FAM174A: variants seen among roughly 807,000 people sequenced by gnomAD.
FAM174A encodes family with sequence similarity 174 member A, also known as membrane protein FAM174A.
A neutral mutation model predicts 14.3 loss-of-function variants in FAM174A; 14 were observed. That is an observed-to-expected ratio of 0.98 (90% CI 0.65 to 1.53). The LOEUF (loss-of-function observed/expected upper bound fraction) is 1.53, where lower values mean the gene tolerates loss of function less well. Ranked by LOEUF, FAM174A falls within the 40% of genes most tolerant of loss-of-function variation. The pLI, the probability that FAM174A is intolerant of heterozygous loss-of-function variation, is 0.00. For synonymous variants in FAM174A, 108 were observed against 111.4 expected, an observed-to-expected ratio of 0.97 and a Z score of 0.19; for missense variants, 241 against 249.6, an observed-to-expected ratio of 0.97 and a Z score of 0.23.
intron 1 of FAM174A, among the ~76,000 whole-genome samples, chr5:100,545,599 A>G (rs1319173126): frequency 1.3e-5 from 2 of 152,172 alleles, no homozygotes; most frequent in Non-Finnish European, 2.9e-5. Flanking sequence ...CTGTAATTTT[A>G]TGTATTCACC....
chr5:100,550,941 A>G (rs1396202174), intron 1 of FAM174A, among the ~76,000 whole-genome samples: 3 of 152,102 alleles, frequency 2.0e-5, no homozygotes, highest in African/African-American at 7.2e-5. Flanking sequence ...TGAGGCTAAA[A>G]ATGAAAGATG....
chr5:100,579,574 G>A (rs1313679182), intron 2 of FAM174A, among the ~76,000 whole-genome samples: 6 of 151,922 alleles, frequency 3.9e-5, no homozygotes, highest in Admixed American at 2.0e-4. Context: ...ACAGATGCCC[G>A]CCGCCACACC....
intron 1 of FAM174A, among the ~76,000 whole-genome samples, chr5:100,540,429 T>C (rs1030269339): frequency 6.6e-6 from 1 of 152,178 alleles, no homozygotes; most frequent in African/African-American, 2.4e-5. Flanking sequence ...CATATCTCCT[T>C]GGAAAGTGGA....
chr5:100,556,223 G>C (rs1333973650), intron 1 of FAM174A, among the ~76,000 whole-genome samples: 1 of 151,954 alleles, frequency 6.6e-6, no homozygotes, highest in Non-Finnish European at 1.5e-5. Flanking sequence ...TCTTGTTTTT[G>C]TCAGGTTTGT....
At chr5:100,541,980 A>G (rs1746063192) in intron 1 of FAM174A, among the ~76,000 whole-genome samples, 3 of 151,358 alleles carry the variant, frequency 2.0e-5, no homozygotes, top group Admixed American at 2.0e-4. Context: ...CCTAATTAGG[A>G]CTCTTCTACA....
chr5:100,566,141 G>GATATATAT (rs60895683), intron 2 of FAM174A, among the ~76,000 whole-genome samples: 8,728 of 81,350 alleles, frequency 0.11, 823 homozygotes, highest in East Asian at 0.19. Context: ...TGAAAAGTAT[G>GATATATAT]ATATATATAT....
At chr5:100,550,055 C>A (rs935130371) in intron 1 of FAM174A, among the ~76,000 whole-genome samples, 1 of 152,044 alleles carries the variant, frequency 6.6e-6, no homozygotes, top group South Asian at 2.1e-4. Flanking sequence ...TTCAGTTATT[C>A]ATAGTGTATA....
intron 1 of FAM174A, among the ~76,000 whole-genome samples, chr5:100,543,281 C>G (rs533134397): frequency 6.6e-6 from 1 of 152,086 alleles, no homozygotes; most frequent in South Asian, 2.1e-4. Flanking sequence ...CCACACCCAG[C>G]TATTTATTGT....
At chr5:100,549,133 G>A (rs1436836969) in intron 1 of FAM174A, among the ~76,000 whole-genome samples, 2 of 151,990 alleles carry the variant, frequency 1.3e-5, no homozygotes, top group South Asian at 2.1e-4. Context: ...CAGTGTAAGG[G>A]GAATAAAAGG....
chr5:100,571,571 A>G (rs1273744577), intron 2 of FAM174A, among the ~76,000 whole-genome samples: 1 of 147,908 alleles, frequency 6.8e-6, no homozygotes, highest in Non-Finnish European at 1.5e-5. Flanking sequence ...CAATAAATAT[A>G]TAAATATATA....
At chr5:100,543,052 C>A (rs899309093) in intron 1 of FAM174A, among the ~76,000 whole-genome samples, 1 of 152,108 alleles carries the variant, frequency 6.6e-6, no homozygotes, top group Non-Finnish European at 1.5e-5. Context: ...GATGATCACA[C>A]TACTGCACTC....
chr5:100,543,289 T>C (rs915004421), intron 1 of FAM174A, among the ~76,000 whole-genome samples: 4 of 152,120 alleles, frequency 2.6e-5, no homozygotes, highest in African/African-American at 9.7e-5. Context: ...AGCTATTTAT[T>C]GTATTTTTTA....
chr5:100,571,162 ATG>A lies in FAM174A; in HGVS notation c.569+8988_569+8989del, dbSNP rs748665844. 7.9e-5 allele frequency among the ~76,000 whole-genome samples: 12 copies of A among 151,066 alleles called. No homozygotes were observed. The South Asian group carries it at 8.4e-4, about 11-fold the overall frequency. On this transcript the variant is annotated intron_variant, in intron 2 of 2. Coordinates refer to ENST00000312637, the MANE Select transcript of FAM174A (RefSeq NM_198507.3). ...CATATATATGTGTGTGTATATATATATGTGTGTGTGTGTGTCTTTTATATTAT... is the reference window on the plus strand; with the variant it reads ...CATATATATGTGTGTGTATATATATATGTGTGTGTGTGTCTTTTATATTAT...
At chr5:100,573,968 T>C (rs929813361) in intron 2 of FAM174A, among the ~76,000 whole-genome samples, 3 of 152,154 alleles carry the variant, frequency 2.0e-5, no homozygotes, top group South Asian at 2.1e-4. Context: ...GGTTTTTTTT[T>C]CTTAATAGAA....
chr5:100,543,140 T>TA (rs1348847368), intron 1 of FAM174A, among the ~76,000 whole-genome samples: 1 of 152,132 alleles, frequency 6.6e-6, no homozygotes, highest in African/African-American at 2.4e-5. Flanking sequence ...GTCCATTAGA[T>TA]ATACTAGCTG....
rs375898750 is a variant in FAM174A at position 100,535,492 on chromosome 5, C to T, written c.-39C>T. ...CCCTCTTGGAGCCAGCGTGGCGGGC[C>T]TGGCGGCTCCCGGGTGGTGAGAGAG... is the stretch of plus-strand genomic sequence containing the variant. On this transcript the variant is annotated 5_prime_UTR_variant, in exon 1 of 3. Coordinates refer to ENST00000312637, the MANE Select transcript of FAM174A (RefSeq NM_198507.3). 2.5e-6 allele frequency: 4 copies of T among 1,603,728 alleles called. No individual in the cohort carries two copies. Among genetic ancestry groups the T allele is most frequent in the African/African-American group, 1.3e-5 (1 of 74,884 alleles).
At chr5:100,553,209 T>C (rs955031917) in intron 1 of FAM174A, among the ~76,000 whole-genome samples, 1 of 152,118 alleles carries the variant, frequency 6.6e-6, no homozygotes, top group Admixed American at 6.6e-5. Flanking sequence ...TTTTCTTTTG[T>C]TTAAAAATAA....
intron 2 of FAM174A, among the ~76,000 whole-genome samples, chr5:100,565,407 T>A (rs947130052): frequency 2.0e-5 from 3 of 151,828 alleles, no homozygotes; most frequent in Admixed American, 2.0e-4. Context: ...AAAATATTTA[T>A]AAACCATATA....
chr5:100,535,870 A>G lies in FAM174A; in HGVS notation c.340A>G (p.Asn114Asp), dbSNP rs745716053. The G allele has an allele frequency of 6.8e-6, 11 of 1,612,928 alleles. No homozygotes were observed. The highest frequency in any genetic ancestry group is 9.3e-6 in the Non-Finnish European group (11 of 1,179,948). ...SVGGGLAVSP[N>D]PGDKPMTQRA... is the part of the protein sequence containing the mutation. ...GGGTGGCGGCCTTGCTGTGAGCCCCAACCCTGGCGACAAGCCCATGACCCA... is the reference window on the plus strand; with the variant it reads ...GGGTGGCGGCCTTGCTGTGAGCCCCGACCCTGGCGACAAGCCCATGACCCA... The change falls in exon 1 of 3, where the codon AAC (asparagine) becomes GAC (aspartate). Residue 114 changes from asparagine to aspartate, a missense_variant. By Grantham distance (23) the Asn-to-Asp change is conservative (BLOSUM62 1). Transcript: ENST00000312637.
Sources: gnomAD v4.1 joint callset for allele counts (sites outside exome capture counted in the v4.1 genomes callset) on GRCh38, gnomAD v4.1.1 for gene constraint, MANE v1.5 for transcripts, NCBI Gene and HGNC (gene_info 2026-07-23, HGNC 2026-07-21) for gene names.